NEGR1: variants seen among roughly 807,000 people sequenced by gnomAD.
The protein encoded by NEGR1 is neuronal growth regulator 1, also known as IgLON family member 4.
In NEGR1, 10 loss-of-function variants were observed where a neutral mutation model predicts 40.9. The ratio of observed to expected loss-of-function variants is 0.24; its 90% CI spans 0.15 to 0.42. The LOEUF is 0.42. Ranked by LOEUF, NEGR1 falls within the 10% of genes least tolerant of loss-of-function variation. NEGR1 has a pLI of 1.00. For missense variants in NEGR1, 352 were observed against 438.9 expected (o/e 0.80, Z 1.77); for synonymous variants, 185 against 166.8 (o/e 1.11, Z -0.84).
At chr1:72,015,608 T>C (rs1183889740) in intron 1 of NEGR1, among the ~76,000 whole-genome samples, 1 of 152,130 alleles carries the variant, frequency 6.6e-6, no homozygotes. Context: ...AAGTTGAGGC[T>C]GTACTGAGCT....
In NEGR1 at chr1:71,400,031, T is replaced by A. The variant is rs895031170; in HGVS notation, c.*7415A>T. On this transcript the variant is annotated 3_prime_UTR_variant, in exon 7 of 7. Coordinates refer to ENST00000357731, the MANE Select transcript of NEGR1 (RefSeq NM_173808.3). The stretch of plus-strand genomic sequence containing the variant: ...GCACAATTCAGAACTGCGGGAGGTC[T>A]AAGTCTGCTGTGACTTAGTGTAAAG... The A allele has an allele frequency of 3.9e-5, 6 of 152,244 alleles. No individual in the cohort carries two copies. The highest frequency in any genetic ancestry group is 1.4e-4 in the African/African-American group (6 of 41,468). The allele number at this position is 152,244 out of a possible 1,614,324, so 9.4% of individuals were successfully genotyped here. A position where few individuals can be genotyped will look rare whatever the true frequency, so the allele number is the denominator to read the frequency against.
chr1:71,757,121 A>AT lies in NEGR1; in HGVS notation c.535+19050dup, dbSNP rs1655772610. On this transcript the variant is annotated intron_variant, in intron 3 of 6. Transcript: ENST00000357731. ...AGCATTTATGTGCAATAAATGTTGCATTTTACCTCTTTTGTCGAACTGTCA... is the reference window on the plus strand; with the variant it reads ...AGCATTTATGTGCAATAAATGTTGCATTTTTACCTCTTTTGTCGAACTGTCA... Among the ~76,000 whole-genome samples, 3 of 152,222 alleles carry AT rather than the reference A, an allele frequency of 2.0e-5. No homozygotes were observed. In the South Asian group the frequency reaches 6.2e-4, roughly 32 times the overall value.
At chr1:72,112,894 T>C (rs1649432097) in intron 1 of NEGR1, among the ~76,000 whole-genome samples, 1 of 151,746 alleles carries the variant, frequency 6.6e-6, no homozygotes, top group African/African-American at 2.4e-5. Flanking sequence ...CCGACTTTTT[T>C]CAAGCATTGC....
chr1:71,631,750 C>T (rs1650975289), intron 4 of NEGR1, among the ~76,000 whole-genome samples: 1 of 151,600 alleles, frequency 6.6e-6, no homozygotes, highest in African/African-American at 2.4e-5. Context: ...TTTTTGGACC[C>T]CAGATGGTCT....
chr1:71,825,222 C>T (rs1414761570), intron 2 of NEGR1, among the ~76,000 whole-genome samples: 1 of 151,890 alleles, frequency 6.6e-6, no homozygotes. Flanking sequence ...TTTCAATTTG[C>T]ATTTTCTAGA....
rs537005152 is a variant in NEGR1 at position 71,556,315 on chromosome 1, A to G, written c.940+36502T>C. ...CTTACATGTCTAAAACAATTGGTTC[A>G]TTAGCTAGTTAAGAGACTGGCCAGA... On this transcript the variant is annotated intron_variant, in intron 6 of 6. Coordinates refer to ENST00000357731, the MANE Select transcript of NEGR1 (RefSeq NM_173808.3). 3.3e-5 allele frequency among the ~76,000 whole-genome samples: 5 copies of G among 151,678 alleles called. No individual in the cohort carries two copies. The East Asian group carries it at 5.9e-4, about 18-fold the overall frequency.
chr1:71,852,878 G>GA (rs1040552045), intron 2 of NEGR1, among the ~76,000 whole-genome samples: 37 of 149,584 alleles, frequency 2.5e-4, no homozygotes, highest in Admixed American at 1.8e-3. Flanking sequence ...GGACAAAGAG[G>GA]AAAAAAAAGA....
chr1:71,943,875 C>G (rs570186624), intron 1 of NEGR1, among the ~76,000 whole-genome samples: 1 of 152,194 alleles, frequency 6.6e-6, no homozygotes, highest in East Asian at 1.9e-4. Context: ...GTCTTATCAT[C>G]TCTGCTCTAA....
intron 3 of NEGR1, among the ~76,000 whole-genome samples, chr1:71,701,844 T>G (rs1204654572): frequency 6.6e-6 from 1 of 152,028 alleles, no homozygotes; most frequent in African/African-American, 2.4e-5. Flanking sequence ...ATAATACAAA[T>G]GAAGTTCAGA....
chr1:71,946,656 G>T (rs1646022226), intron 1 of NEGR1, among the ~76,000 whole-genome samples: 1 of 151,794 alleles, frequency 6.6e-6, no homozygotes, highest in South Asian at 2.1e-4. Flanking sequence ...GCCTTTTATT[G>T]ATATCCTATC....
chr1:71,747,640 G>T (rs1416407275), intron 3 of NEGR1, among the ~76,000 whole-genome samples: 4 of 152,014 alleles, frequency 2.6e-5, no homozygotes, highest in Admixed American at 2.6e-4. Context: ...GGCCAGTCTG[G>T]TCTCAAACTC....
At chr1:72,209,908 C>T (rs983699667) in intron 1 of NEGR1, among the ~76,000 whole-genome samples, 1 of 151,808 alleles carries the variant, frequency 6.6e-6, no homozygotes, top group Non-Finnish European at 1.5e-5. Context: ...ATAATAACAA[C>T]TATTATTTCA....
chr1:71,994,547 C>CA (rs1220980287), intron 1 of NEGR1, among the ~76,000 whole-genome samples: 2,891 of 59,484 alleles, frequency 0.049, 75 homozygotes, highest in African/African-American at 0.12. Flanking sequence ...ACAAAACAAA[C>CA]AAAAAAAAAA....
intron 1 of NEGR1, among the ~76,000 whole-genome samples, chr1:72,096,522 C>T (rs1240184288): frequency 6.6e-6 from 1 of 151,314 alleles, no homozygotes. Flanking sequence ...GTATATAGAT[C>T]AGAAAATCAT....
chr1:71,425,463 A>G (rs1331399654), intron 6 of NEGR1, among the ~76,000 whole-genome samples: 1 of 152,210 alleles, frequency 6.6e-6, no homozygotes, highest in African/African-American at 2.4e-5. Flanking sequence ...AATGCTCCAG[A>G]GACTCCAAGG....
At chr1:72,133,335 C>T (rs984529819) in intron 1 of NEGR1, among the ~76,000 whole-genome samples, 8 of 152,052 alleles carry the variant, frequency 5.3e-5, no homozygotes, top group Admixed American at 2.6e-4. Context: ...TTTTAACACA[C>T]TACTGCCCAT....
chr1:71,434,495 T>C (rs538583535), intron 6 of NEGR1, among the ~76,000 whole-genome samples: 19 of 152,278 alleles, frequency 1.2e-4, no homozygotes, highest in African/African-American at 4.1e-4. Flanking sequence ...TAATCATCTT[T>C]GTGTGAGAAA....
intron 1 of NEGR1, chr1:72,274,635 A>G (rs1267219687): frequency 2.4e-6 from 2 of 830,038 alleles, no homozygotes; most frequent in Non-Finnish European, 4.3e-6. Flanking sequence ...AACTGCCCCA[A>G]GGATTTGCAA....
At chr1:71,994,547 C>A (rs10889939) in intron 1 of NEGR1, among the ~76,000 whole-genome samples, 12,665 of 59,276 alleles carry the variant, frequency 0.21, 695 homozygotes, top group African/African-American at 0.34. Context: ...ACAAAACAAA[C>A]AAAAAAAAAA....
Sources: gnomAD v4.1 joint callset for allele counts (sites outside exome capture counted in the v4.1 genomes callset) on GRCh38, gnomAD v4.1.1 for gene constraint, MANE v1.5 for transcripts, NCBI Gene and HGNC (gene_info 2026-07-23, HGNC 2026-07-21) for gene names.